The following WSB1 variants were observed in gnomAD, a reference collection of about 807,000 sequenced individuals.
WSB1 encodes the protein WD repeat and SOCS box-containing protein 1.
In WSB1, 23 loss-of-function variants were observed where a neutral mutation model predicts 50.2. The observed-to-expected ratio is 0.46, with a 90% CI of 0.33 to 0.65. The LOEUF (loss-of-function observed/expected upper bound fraction) is 0.65. Ranked by LOEUF, WSB1 falls within the 30% of genes least tolerant of loss-of-function variation. The pLI is 0.02. For missense variants in WSB1, 492 were observed against 522.3 expected (o/e 0.94, Z 0.56); for synonymous variants, 179 against 172.0 (o/e 1.04, Z -0.32).
chr17:27,309,432 T>C (rs2017581414), intron 6 of WSB1, among the ~76,000 whole-genome samples, 160 bp downstream of exon 6: 1 of 152,238 alleles, frequency 6.6e-6, no homozygotes, highest in Non-Finnish European at 1.5e-5. Context: ...GCCTTCGATA[T>C]AAATTCTAAA....
chr17:27,309,159 T>A lies in WSB1; in HGVS notation c.771T>A (p.His257Gln). Reference protein sequence around the residue: ...TMIRKLEGHHHDVVACDFSPD... With the variant: ...TMIRKLEGHHQDVVACDFSPD... ...TACGGAAACTAGAAGGACATCACCA[T>A]GATGTGGTAGCTTGTGACTTTTCTC... is the stretch of plus-strand genomic sequence containing the variant. Residue 257 changes from histidine (H) to glutamine (Q), a missense_variant, in exon 6 of 9, where the codon CAT (histidine) becomes CAA (glutamine). By Grantham distance (24) the His-to-Gln change is conservative. Coordinates refer to ENST00000262394, the MANE Select transcript of WSB1 (RefSeq NM_015626.10). 6.2e-7 allele frequency: 1 copy of A among 1,613,536 alleles called. No homozygotes were observed. Among genetic ancestry groups the A allele is most frequent in the Non-Finnish European group, 8.5e-7 (1 of 1,179,740 alleles).
rs754415683 is a variant in WSB1 at position 27,294,345 on chromosome 17, C to T, written c.-51C>T. On this transcript the variant is annotated 5_prime_UTR_variant, in exon 1 of 9. Transcript: ENST00000262394. Reference sequence around the variant, plus strand: ...GCCCCTCAGCGGTCGCCACTCTCTTCTCTGTTGTTGGGTCCGCATCGTATT... The same window carrying T: ...GCCCCTCAGCGGTCGCCACTCTCTTTTCTGTTGTTGGGTCCGCATCGTATT... The T allele has an allele frequency of 1.2e-6, 2 of 1,605,806 alleles. No homozygotes were observed. The highest frequency in any genetic ancestry group is 4.5e-5 in the East Asian group (2 of 44,436).
chr17:27,305,926 T>G (rs1304028199), intron 4 of WSB1, among the ~76,000 whole-genome samples: 1 of 152,200 alleles, frequency 6.6e-6, no homozygotes, highest in African/African-American at 2.4e-5. Flanking sequence ...TCCAAGATAG[T>G]GGGGTCCTTG....
intron 7 of WSB1, 61 bp from the exon 8 acceptor site, chr17:27,311,448 A>C (rs1567693767): frequency 1.3e-5 from 18 of 1,398,642 alleles, no homozygotes; most frequent in Non-Finnish European, 1.7e-5. Flanking sequence ...TCTAAATTTT[A>C]AAAAAGTTGC....
At chr17:27,301,644 C>G (rs1473718489) in intron 1 of WSB1, 144 bp from the exon 2 acceptor site, 2 of 699,820 alleles carry the variant, frequency 2.9e-6, no homozygotes, top group Non-Finnish European at 4.6e-6. Context: ...ACTGCATACC[C>G]CCCGTTAGAG....
intron 5 of WSB1, chr17:27,308,052 A>G (rs2017529290): frequency 6.7e-6 from 8 of 1,187,958 alleles, no homozygotes; most frequent in Admixed American, 4.4e-5. Context: ...GAGTCTGACA[A>G]GTGAAACCAA....
At position 27,313,131 on chromosome 17, in the gene WSB1, T is replaced by C. The variant is rs541369304; in HGVS notation, c.*762T>C. The C allele has an allele frequency of 1.5e-3, 225 of 152,584 alleles. No individual in the cohort carries two copies. Among genetic ancestry groups the C allele is most frequent in the Non-Finnish European group, 2.4e-3 (160 of 68,002 alleles). 9.5% of individuals were successfully genotyped at this position (152,584 alleles called of 1,614,324 possible). A position where few individuals can be genotyped will look rare whatever the true frequency, so the allele number is the denominator to read the frequency against. On this transcript the variant is annotated 3_prime_UTR_variant, in exon 9 of 9. Transcript: ENST00000262394. ...TGATCTGGAAGTGAAACACAGTTTATGTACAGGGAAAAGGATTTTATTATC... is the reference window on the plus strand; with the variant it reads ...TGATCTGGAAGTGAAACACAGTTTACGTACAGGGAAAAGGATTTTATTATC...
At chr17:27,306,637 C>T in intron 4 of WSB1, 145 bp from the exon 5 acceptor site, 2 of 690,776 alleles carry the variant, frequency 2.9e-6, no homozygotes, top group African/African-American at 1.8e-5. Flanking sequence ...AAAACCTAAG[C>T]AGCTGGTGTA....
intron 1 of WSB1, among the ~76,000 whole-genome samples, chr17:27,298,842 C>G (rs1435686794): frequency 6.6e-6 from 1 of 151,696 alleles, no homozygotes; most frequent in African/African-American, 2.4e-5. Context: ...CCAGCCTGGG[C>G]GACAGAGCAA....
intron 1 of WSB1, chr17:27,297,061 T>C (rs892645454): frequency 7.2e-5 from 11 of 152,240 alleles, no homozygotes; most frequent in African/African-American, 2.7e-4. Flanking sequence ...GCTCTATTTC[T>C]TGAGTTTGTA....
rs2017685267 is a variant in WSB1, at chr17:27,311,632, T to TA, written c.1106+16_1106+17insA. On this transcript the variant is annotated intron_variant, in intron 8 of 8. Coordinates refer to ENST00000262394, the MANE Select transcript of WSB1 (RefSeq NM_015626.10). ...TAGCTGCTGGGTAAATATATTTTTC[T>TA]CTTTTTTTTTTTTTTTTTTTTTTTT... 128 of 1,118,566 alleles carry TA rather than the reference T, an allele frequency of 1.1e-4. No homozygotes were observed. Among genetic ancestry groups the TA allele is most frequent in the Non-Finnish European group, 1.4e-4 (110 of 795,092 alleles). 69.3% of individuals were successfully genotyped at this position (1,118,566 alleles called of 1,614,324 possible). A position where few individuals can be genotyped will look rare whatever the true frequency, so the allele number is the denominator to read the frequency against.
rs142949229 is a variant in WSB1, at chr17:27,311,633, C to CTTTTTTTTTTTTTTTTTTTTTTTTTT, written c.1106+18_1106+43dup. 2 of 491,130 alleles carry CTTTTTTTTTTTTTTTTTTTTTTTTTT rather than the reference C, an allele frequency of 4.1e-6. No homozygotes were observed. Among genetic ancestry groups the CTTTTTTTTTTTTTTTTTTTTTTTTTT allele is most frequent in the South Asian group, 2.8e-5 (1 of 35,966 alleles). The allele number at this position is 491,130 out of a possible 1,614,324, so 30.4% of individuals were successfully genotyped here. A position where few individuals can be genotyped will look rare whatever the true frequency, so the allele number is the denominator to read the frequency against. ...AGCTGCTGGGTAAATATATTTTTCT[C>CTTTTTTTTTTTTTTTTTTTTTTTTTT]TTTTTTTTTTTTTTTTTTTTTTTTT... On this transcript the variant is annotated intron_variant, in intron 8 of 8. Coordinates refer to ENST00000262394, the MANE Select transcript of WSB1 (RefSeq NM_015626.10).
Position 27,314,947 on chromosome 17 carries a change from T to A in WSB1, c.*2578T>A, listed in dbSNP as rs981988491. ...TCCCAGAGTGCTGGGATTATAGGTG[T>A]GAGCCACCGAACCTGGCCCAAAACA... On this transcript the variant is annotated 3_prime_UTR_variant, in exon 9 of 9. Transcript: ENST00000262394. 6.6e-6 allele frequency: 1 copy of A among 152,226 alleles called. No homozygotes were observed. Among genetic ancestry groups the A allele is most frequent in the Non-Finnish European group, 1.5e-5 (1 of 68,072 alleles). The allele number at this position is 152,226 out of a possible 1,614,324, so 9.4% of individuals were successfully genotyped here. A position where few individuals can be genotyped will look rare whatever the true frequency, so the allele number is the denominator to read the frequency against.
chr17:27,312,491 T>C lies in WSB1; in HGVS notation c.*122T>C. On this transcript the variant is annotated 3_prime_UTR_variant, in exon 9 of 9. Transcript: ENST00000262394. ...AAGATTTATTTAATTTGATATGTTC[T>C]TGTACTGCATTTTGATCAGTTGAGC... 1 of 1,281,350 alleles carries C rather than the reference T, an allele frequency of 7.8e-7. No homozygotes were observed. Among genetic ancestry groups the C allele is most frequent in the Middle Eastern group, 2.7e-4 (1 of 3,666 alleles). 79.4% of individuals were successfully genotyped at this position (1,281,350 alleles called of 1,614,324 possible).
rs368119754 is a variant in WSB1 at position 27,294,388 on chromosome 17, C to T, written c.-8C>T. On this transcript the variant is annotated 5_prime_UTR_variant, in exon 1 of 9. Transcript: ENST00000262394. ...ATCGTATTCCCGGAATCAGACGGTGCCCCATAGATGGCCAGCTTTCCCCCG... is the reference window on the plus strand; with the variant it reads ...ATCGTATTCCCGGAATCAGACGGTGTCCCATAGATGGCCAGCTTTCCCCCG... The T allele has an allele frequency of 5.0e-6, 8 of 1,613,348 alleles. No individual in the cohort carries two copies. Among genetic ancestry groups the T allele is most frequent in the Admixed American group, 1.7e-5 (1 of 59,952 alleles).
intron 1 of WSB1, among the ~76,000 whole-genome samples, chr17:27,297,694 G>A (rs2017037806): frequency 6.6e-6 from 1 of 152,140 alleles, no homozygotes; most frequent in Admixed American, 6.5e-5. Context: ...GGGCTCAAGT[G>A]ATCCATCCAC....
At chr17:27,310,282 C>A in intron 7 of WSB1, 108 bp downstream of exon 7, 3 of 922,098 alleles carry the variant, frequency 3.3e-6, no homozygotes, top group Admixed American at 2.2e-5. Context: ...TCAACACAAG[C>A]CCCTGGGAGA....
chr17:27,307,174 T>C (rs1597765150), intron 5 of WSB1: 1 of 286,326 alleles, frequency 3.5e-6, no homozygotes, highest in South Asian at 6.8e-5. Flanking sequence ...CTAGTCTATA[T>C]GTTAAGACAT....
At chr17:27,295,628 G>T (rs2016927676) in intron 1 of WSB1, among the ~76,000 whole-genome samples, 1 of 152,116 alleles carries the variant, frequency 6.6e-6, no homozygotes, top group Admixed American at 6.6e-5. Flanking sequence ...CAGAATTTGT[G>T]TCCAGTTATT....
Sources: gnomAD v4.1 joint callset for allele counts (sites outside exome capture counted in the v4.1 genomes callset) on GRCh38, gnomAD v4.1.1 for gene constraint, MANE v1.5 for transcripts, NCBI Gene and HGNC (gene_info 2026-07-23, HGNC 2026-07-21) for gene names.